Variants in MAP4K5 observed in about 807,000 individuals in gnomAD.
MAP4K5 encodes the protein mitogen-activated protein kinase kinase kinase kinase 5, also known as MAPK/ERK kinase kinase kinase 5.
MAP4K5 carries 82 observed loss-of-function variants against 135.6 expected under a neutral mutation model. That is an observed-to-expected ratio of 0.60 (90% CI 0.51 to 0.73). MAP4K5 has a LOEUF of 0.73. Ranked by LOEUF, MAP4K5 falls within the 30% of genes least tolerant of loss-of-function variation. The pLI is 0.00. For synonymous variants in MAP4K5, 347 were observed against 335.0 expected, an observed-to-expected ratio of 1.04 and a Z score of -0.39; for missense variants, 907 against 1,010.9, an observed-to-expected ratio of 0.90 and a Z score of 1.39.
At chr14:50,560,586 C>A in intron 1 of MAP4K5, 1 of 480,400 alleles carries the variant, frequency 2.1e-6, no homozygotes, top group East Asian at 3.9e-5. Context: ...TTGGACAGCA[C>A]CCACCAGGCG....
chr14:50,493,020 T>G (rs2037517072), intron 3 of MAP4K5, among the ~76,000 whole-genome samples: 2 of 141,070 alleles, frequency 1.4e-5, no homozygotes, highest in Admixed American at 1.4e-4. Context: ...AGACTCTGTC[T>G]CAAAAAAAAG....
intron 1 of MAP4K5, among the ~76,000 whole-genome samples, chr14:50,550,021 G>A (rs1489123177): frequency 1.3e-5 from 2 of 152,214 alleles, no homozygotes; most frequent in Non-Finnish European, 2.9e-5. Context: ...GCCAAGTGGC[G>A]ATGGCTACAT....
intron 15 of MAP4K5, 121 bp from the exon 16 acceptor site, chr14:50,447,602 T>G: frequency 1.6e-6 from 1 of 622,060 alleles, no homozygotes; most frequent in Non-Finnish European, 2.8e-6. Context: ...AATCAATTTT[T>G]TAATCTCTAG....
intron 3 of MAP4K5, among the ~76,000 whole-genome samples, chr14:50,489,258 G>C (rs1209116223): frequency 6.6e-6 from 1 of 152,148 alleles, no homozygotes; most frequent in Non-Finnish European, 1.5e-5. Flanking sequence ...TGAGGTGGGA[G>C]GACTGCTTGA....
At chr14:50,552,098 T>C (rs921796136) in intron 1 of MAP4K5, among the ~76,000 whole-genome samples, 6 of 152,208 alleles carry the variant, frequency 3.9e-5, no homozygotes, top group African/African-American at 1.4e-4. Context: ...GATATGATCA[T>C]GTACCTAGAA....
intron 1 of MAP4K5, chr14:50,560,455 G>A (rs934477192): frequency 2.0e-6 from 2 of 1,015,708 alleles, no homozygotes; most frequent in Non-Finnish European, 1.5e-6. Context: ...TTGGGCGGAG[G>A]AACCATGGCC....
intron 2 of MAP4K5, among the ~76,000 whole-genome samples, chr14:50,507,483 T>C (rs2037835155): frequency 6.6e-6 from 1 of 152,242 alleles, no homozygotes; most frequent in African/African-American, 2.4e-5. Context: ...TTGTGGGCAT[T>C]TAGTGCTATA....
rs150077357 is a variant in MAP4K5 at position 50,418,582 on chromosome 14, A to G, written c.*1437T>C. ...ATAGTGAAAAGAACAGAGTCAGAAGACTCATGGTCAGGCTCAACTACTAAC... is the reference window on the plus strand; with the variant it reads ...ATAGTGAAAAGAACAGAGTCAGAAGGCTCATGGTCAGGCTCAACTACTAAC... On this transcript the variant is annotated 3_prime_UTR_variant, in exon 33 of 33. Coordinates refer to ENST00000682126, the MANE Select transcript of MAP4K5 (RefSeq NM_006575.6). 6.5e-6 allele frequency: 1 copy of G among 152,748 alleles called. No individual in the cohort carries two copies. Among genetic ancestry groups the G allele is most frequent in the Non-Finnish European group, 1.5e-5 (1 of 68,042 alleles). The allele number at this position is 152,748 out of a possible 1,614,324, so 9.5% of individuals were successfully genotyped here. A position where few individuals can be genotyped will look rare whatever the true frequency, so the allele number is the denominator to read the frequency against.
At chr14:50,499,129 A>G (rs1057141657) in intron 3 of MAP4K5, among the ~76,000 whole-genome samples, 1 of 145,666 alleles carries the variant, frequency 6.9e-6, no homozygotes, top group Non-Finnish European at 1.5e-5. Context: ...ATTCCACAGC[A>G]AAAAAAAAAA....
At chr14:50,482,010 T>TTC (rs2037253698) in intron 6 of MAP4K5, among the ~76,000 whole-genome samples, 1 of 152,188 alleles carries the variant, frequency 6.6e-6, no homozygotes, top group Non-Finnish European at 1.5e-5. Context: ...AATTGAGAGG[T>TTC]TTGGTAATTC....
At chr14:50,446,216 C>T (rs975284934) in intron 16 of MAP4K5, 95 bp from the exon 17 acceptor site, 1 of 735,596 alleles carries the variant, frequency 1.4e-6, no homozygotes, top group Non-Finnish European at 2.2e-6. Context: ...AGTTTCTATA[C>T]AGAGGATGTA....
At chr14:50,466,521 G>T in intron 11 of MAP4K5, 62 bp downstream of exon 11, 1 of 802,726 alleles carries the variant, frequency 1.2e-6, no homozygotes, top group Non-Finnish European at 2.1e-6. Flanking sequence ...CAAAATATGG[G>T]AACTGAATCT....
At chr14:50,560,571 A>G (rs993643068) in intron 1 of MAP4K5, 11 of 518,138 alleles carry the variant, frequency 2.1e-5, no homozygotes, top group Admixed American at 6.4e-5. Context: ...GCCTCCTCCC[A>G]GCATTTGGAC....
At chr14:50,448,171 C>G (rs1355220952) in intron 15 of MAP4K5, among the ~76,000 whole-genome samples, 1 of 152,030 alleles carries the variant, frequency 6.6e-6, no homozygotes, top group Non-Finnish European at 1.5e-5. Flanking sequence ...CATGCCACCA[C>G]GCCTGGCTGA....
chr14:50,463,022 T>C (rs759680402), intron 12 of MAP4K5, among the ~76,000 whole-genome samples: 7 of 152,170 alleles, frequency 4.6e-5, no homozygotes, highest in Non-Finnish European at 1.0e-4. Context: ...AGTTATCTAA[T>C]CCATATTAAG....
intron 3 of MAP4K5, among the ~76,000 whole-genome samples, chr14:50,490,536 A>T (rs1464885153): frequency 6.6e-6 from 1 of 152,172 alleles, no homozygotes; most frequent in Non-Finnish European, 1.5e-5. Flanking sequence ...TGACATTAAG[A>T]GACAGATTTG....
At chr14:50,470,175 A>C (rs1000345716) in intron 9 of MAP4K5, among the ~76,000 whole-genome samples, 4 of 152,186 alleles carry the variant, frequency 2.6e-5, no homozygotes, top group Non-Finnish European at 5.9e-5. Flanking sequence ...GCTAACTGGA[A>C]TGTCAAGTTG....
In MAP4K5 at chr14:50,448,768, T is replaced by C. The variant is rs1220475819; in HGVS notation, c.1074+6A>G. 1 of 1,535,892 alleles carries C rather than the reference T, an allele frequency of 6.5e-7. No individual in the cohort carries two copies. The highest frequency in any genetic ancestry group is 2.0e-5 in the Admixed American group (1 of 50,218). ...TGAAAATAATGCTTTAAAAATGAATTCTTACCATTTCATCTCGTGCTTCTG... is the reference window on the plus strand; with the variant it reads ...TGAAAATAATGCTTTAAAAATGAATCCTTACCATTTCATCTCGTGCTTCTG... On this transcript the variant is annotated splice_donor_region_variant and intron_variant, in intron 15 of 32. Coordinates refer to ENST00000682126, the MANE Select transcript of MAP4K5 (RefSeq NM_006575.6).
chr14:50,473,176 G>A (rs2037006348), intron 9 of MAP4K5, among the ~76,000 whole-genome samples: 1 of 152,086 alleles, frequency 6.6e-6, no homozygotes, highest in East Asian at 1.9e-4. Context: ...TTTTTATGTA[G>A]TTTTTTAATT....
Sources: allele counts gnomAD v4.1 joint callset (sites outside exome capture counted in the v4.1 genomes callset), GRCh38; gene constraint gnomAD v4.1.1; transcripts MANE v1.5; gene names NCBI Gene and HGNC (gene_info 2026-07-23, HGNC 2026-07-21).